Variants in KAZN observed in about 807,000 individuals in gnomAD.
KAZN encodes kazrin.
Under a neutral mutation model 87.4 loss-of-function variants are expected in KAZN, and 40 were observed. The observed-to-expected ratio is 0.46, with a 90% confidence interval of 0.36 to 0.60. The LOEUF (loss-of-function observed/expected upper bound fraction) is 0.60, where lower values mean the gene tolerates loss of function less well. KAZN is among the 20% of genes least tolerant of loss of function. The pLI, the probability that KAZN is intolerant of heterozygous loss-of-function variation, is 0.00. For missense variants in KAZN, 898 were observed against 1,073.9 expected, an observed-to-expected ratio of 0.84 and a Z score of 2.29; for synonymous variants, 466 against 458.3, an observed-to-expected ratio of 1.02 and a Z score of -0.22.
At chr1:14,594,601 G>T (rs953481224), upstream of KAZN, among the ~76,000 whole-genome samples, 20 of 152,188 alleles carry the variant, frequency 1.3e-4, no homozygotes, top group South Asian at 2.1e-4. Context: ...CAGCCTACTG[G>T]GGTGTGAGAT....
chr1:14,883,318 A>AAGAAAGAGAGAGAGAG (rs1266778797), intron 1 of KAZN, among the ~76,000 whole-genome samples: 1 of 38,592 alleles, frequency 2.6e-5, no homozygotes, highest in Admixed American at 3.6e-4. Context: ...GAAAGAAAGA[A>AAGAAAGAGAGAGAGAG]AGAGAGAGAG....
rs1419462520 is a variant in KAZN, at chr1:15,116,996, C to T, written c.*2361C>T. On this transcript the variant is annotated 3_prime_UTR_variant, in exon 15 of 15. Transcript: ENST00000376030. ...TCTTTCACCCATGAGGCTCCCCATC[C>T]CTGACAGCCAGGTGAGCATTTGGAG... 1.3e-5 allele frequency: 2 copies of T among 152,218 alleles called. No individual in the cohort carries two copies. The highest frequency in any genetic ancestry group is 2.9e-5 in the Non-Finnish European group (2 of 68,046). 9.4% of individuals were successfully genotyped at this position (152,218 alleles called of 1,614,324 possible).
intron 1 of KAZN, among the ~76,000 whole-genome samples, chr1:14,116,830 A>G (rs529134344): frequency 3.9e-5 from 6 of 152,336 alleles, no homozygotes; most frequent in African/African-American, 1.4e-4. Context: ...GCCCAAGACC[A>G]TAAGAACCTA....
chr1:14,461,438 A>G (rs937749724), intron 2 of KAZN, among the ~76,000 whole-genome samples: 2 of 152,110 alleles, frequency 1.3e-5, no homozygotes, highest in African/African-American at 4.8e-5. Flanking sequence ...CTTGTCTGCC[A>G]CCATGTAAGT....
intron 1 of KAZN, among the ~76,000 whole-genome samples, chr1:14,725,314 A>AC (rs1198134341): frequency 6.6e-6 from 1 of 150,880 alleles, no homozygotes; most frequent in Non-Finnish European, 1.5e-5. Flanking sequence ...CCTACCTGGG[A>AC]CCCCCTCCTT....
rs1641813829 is a variant in KAZN at position 15,115,537 on chromosome 1, G to T, written c.*902G>T. On this transcript the variant is annotated 3_prime_UTR_variant, in exon 15 of 15. Transcript: ENST00000376030. The surrounding 1 kb of genome is among the most constrained non-coding windows in gnomAD (Gnocchi z 4.1). The stretch of plus-strand genomic sequence containing the variant: ...TATGGAGTGTGGCAATGAGTTTGGG[G>T]TCTGGGGCAGGGAAATGCTTGACAT... 6.6e-6 allele frequency: 1 copy of T among 152,176 alleles called. No individual in the cohort carries two copies. The highest frequency in any genetic ancestry group is 2.1e-4 in the South Asian group (1 of 4,828). The allele number at this position is 152,176 out of a possible 1,614,324, so 9.4% of individuals were successfully genotyped here.
intron 2 of KAZN, among the ~76,000 whole-genome samples, chr1:15,002,516 G>A (rs935580062): frequency 1.3e-5 from 2 of 152,146 alleles, no homozygotes; most frequent in Non-Finnish European, 2.9e-5. Flanking sequence ...AGCCTAGCTT[G>A]GCCAGTGACT....
intron 1 of KAZN, among the ~76,000 whole-genome samples, chr1:14,915,791 G>C (rs1459413152): frequency 6.6e-6 from 1 of 152,128 alleles, no homozygotes; most frequent in African/African-American, 2.4e-5. Context: ...TTCTCATCTG[G>C]AACCTGGGGA....
chr1:14,494,217 A>T (rs539549392), intron 2 of KAZN, among the ~76,000 whole-genome samples: 4 of 152,180 alleles, frequency 2.6e-5, no homozygotes, highest in Non-Finnish European at 5.9e-5. Context: ...GATAGAATCA[A>T]ATGGGGAAAT....
intron 1 of KAZN, among the ~76,000 whole-genome samples, chr1:14,768,297 T>C (rs1045373257): frequency 4.6e-5 from 7 of 152,222 alleles, no homozygotes; most frequent in African/African-American, 1.7e-4. Context: ...ATAAGACTAG[T>C]ATTTGTGGAG....
Position 14,436,734 on chromosome 1 carries a change from A to AAAAAAAAAAAAAAAAAAACAAAAAC in KAZN, c.250-162245_250-162244insAAAAAAAAAAAAAACAAAAACAAAA, listed in dbSNP as rs563539375. 2.0e-4 allele frequency among the ~76,000 whole-genome samples: 28 copies of AAAAAAAAAAAAAAAAAAACAAAAAC among 137,394 alleles called. 1 individual carries two copies. Among genetic ancestry groups the AAAAAAAAAAAAAAAAAAACAAAAAC allele is most frequent in the Non-Finnish European group, 2.9e-4 (19 of 64,914 alleles). 90.1% of individuals were successfully genotyped at this position (137,394 alleles called of 152,430 possible). ...CTCTGTCTCAAAAAAAAAAAAAAAA[A>AAAAAAAAAAAAAAAAAAACAAAAAC]AAAACCTTAAAACAATCCTGAGAGG... On this transcript the variant is annotated intron_variant, in intron 2 of 16. Transcript: ENST00000636203.
intron 1 of KAZN, among the ~76,000 whole-genome samples, chr1:14,171,060 C>T (rs1248868463): frequency 6.6e-6 from 1 of 152,150 alleles, no homozygotes; most frequent in Non-Finnish European, 1.5e-5. Flanking sequence ...TCTTTTGTGT[C>T]CGGTTTTCAT....
At chr1:15,017,735 C>T (rs1255796299) in intron 2 of KAZN, among the ~76,000 whole-genome samples, 1 of 151,758 alleles carries the variant, frequency 6.6e-6, no homozygotes, top group Non-Finnish European at 1.5e-5. Flanking sequence ...ACCTGGGAGG[C>T]GGAGGTTGCA....
At chr1:14,809,708 G>T (rs902409961) in intron 1 of KAZN, among the ~76,000 whole-genome samples, 1 of 152,224 alleles carries the variant, frequency 6.6e-6, no homozygotes, top group Non-Finnish European at 1.5e-5. Flanking sequence ...GAGGGCTAGG[G>T]TATGAAGCCA....
chr1:14,531,130 C>T (rs756200909), intron 2 of KAZN, among the ~76,000 whole-genome samples: 1 of 152,142 alleles, frequency 6.6e-6, no homozygotes, highest in East Asian at 1.9e-4. Flanking sequence ...TTTATAGCAA[C>T]ACAAAAATGG....
chr1:14,284,161 G>T (rs987771234), intron 2 of KAZN, among the ~76,000 whole-genome samples: 20 of 152,110 alleles, frequency 1.3e-4, no homozygotes, highest in Non-Finnish European at 2.8e-4. Flanking sequence ...GATTTTTAAT[G>T]CATAAGGGGT....
chr1:15,090,523 C>G (rs949759294), intron 8 of KAZN, among the ~76,000 whole-genome samples: 2 of 152,270 alleles, frequency 1.3e-5, no homozygotes, highest in African/African-American at 4.8e-5. Context: ...CCCGGCCTGA[C>G]AGCCCTGTCA....
chr1:14,438,730 G>A (rs1377000857), intron 2 of KAZN, among the ~76,000 whole-genome samples: 1 of 152,160 alleles, frequency 6.6e-6, no homozygotes, highest in African/African-American at 2.4e-5. Context: ...TATTCTGAGT[G>A]GAATTTTCTC....
At chr1:14,078,858 T>A (rs144481854) in intron 1 of KAZN, among the ~76,000 whole-genome samples, 6 of 152,306 alleles carry the variant, frequency 3.9e-5, no homozygotes, top group African/African-American at 1.4e-4. Flanking sequence ...CTAATTTTTA[T>A]ATTTTTAGTA....
Sources: allele counts gnomAD v4.1 joint callset (sites outside exome capture counted in the v4.1 genomes callset), GRCh38; gene constraint gnomAD v4.1.1; non-coding constraint Gnocchi (gnomAD v3.1); transcripts MANE v1.5; gene names NCBI Gene and HGNC (gene_info 2026-07-23, HGNC 2026-07-21).